The following AFAP1 variants were observed in gnomAD, a reference collection of about 807,000 sequenced individuals.
AFAP1 encodes the protein actin filament-associated protein 1.
AFAP1 carries 75 observed loss-of-function variants against 93.9 expected under a neutral mutation model. That is an observed-to-expected ratio of 0.80 (90% CI 0.66 to 0.97). AFAP1 has a LOEUF of 0.97. Among genes scored for constraint, AFAP1 ranks in the 50% least tolerant of loss-of-function variants. The pLI, the probability that AFAP1 is intolerant of heterozygous loss-of-function variation, is 0.00. For synonymous variants in AFAP1, 517 were observed against 430.7 expected (o/e 1.20, Z -2.48); for missense variants, 1,201 against 1,050.8 (o/e 1.14, Z -1.98).
At chr4:7,889,783 A>G (rs1718349763) in intron 1 of AFAP1, among the ~76,000 whole-genome samples, 1 of 150,940 alleles carries the variant, frequency 6.6e-6, no homozygotes, top group African/African-American at 2.4e-5. Flanking sequence ...AAATATGTTA[A>G]ATATATTAGG....
rs886897127 is a variant in AFAP1, at chr4:7,793,735, T to C, written c.1358A>G (p.Tyr453Cys). 4.4e-6 allele frequency: 7 copies of C among 1,579,536 alleles called. No homozygotes were observed. The highest frequency in any genetic ancestry group is 1.7e-5 in the Admixed American group (1 of 59,640). Residue 453 changes from tyrosine to cysteine, a missense_variant, in exon 11 of 18, where the codon TAC becomes TGC. Physicochemically the swap from Tyr to Cys is radical, Grantham distance 194. Transcript: ENST00000420658. ...ACTTGCAGACATCTCCACATCAATG[T>C]AGTCATAGTGCAGAGCCTCCGGGTC... ...STDPEALHYD[Y>C]IDVEMSASVI... is the part of the protein sequence containing the mutation.
At chr4:7,936,527 A>G (rs1455630599) in intron 1 of AFAP1, among the ~76,000 whole-genome samples, 1 of 150,938 alleles carries the variant, frequency 6.6e-6, no homozygotes, top group African/African-American at 2.5e-5. Context: ...ATTCCTTAGA[A>G]CTATAGCTCC....
chr4:7,922,409 A>C (rs891375208), intron 1 of AFAP1, among the ~76,000 whole-genome samples: 3 of 152,240 alleles, frequency 2.0e-5, no homozygotes, highest in African/African-American at 7.2e-5. Flanking sequence ...AAAGGAAGTG[A>C]GTATTTCAAG....
rs569652685 is a variant in AFAP1 at position 7,872,095 on chromosome 4, G to A, written c.-2-15C>T. The stretch of plus-strand genomic sequence containing the variant: ...CTCTTCCATTGCTGACAACAAAAGA[G>A]GAAGAGTATTATTAGACCCAGTGAT... On this transcript the variant is annotated splice_polypyrimidine_tract_variant and intron_variant, in intron 1 of 17. Coordinates refer to ENST00000420658, the MANE Select transcript of AFAP1 (RefSeq NM_001134647.2). The A allele has an allele frequency of 6.2e-7, 1 of 1,613,606 alleles. No individual in the cohort carries two copies. Among genetic ancestry groups the A allele is most frequent in the South Asian group, 1.1e-5 (1 of 90,956 alleles).
intron 1 of AFAP1, among the ~76,000 whole-genome samples, chr4:7,905,909 G>A (rs56220381): frequency 0.31 from 46,493 of 152,150 alleles, 8,907 homozygotes; most frequent in Non-Finnish European, 0.44. Flanking sequence ...GCTCCATGCC[G>A]GGAAGAGCAC....
chr4:7,880,386 TCTC>T (rs1717772575), intron 1 of AFAP1, among the ~76,000 whole-genome samples: 1 of 150,128 alleles, frequency 6.7e-6, no homozygotes, highest in Non-Finnish European at 1.5e-5. Flanking sequence ...TTCAAGCAAT[TCTC>T]CTGCCTCAGC....
At chr4:7,765,241 G>A (rs1010798739) in intron 17 of AFAP1, among the ~76,000 whole-genome samples, 6 of 152,092 alleles carry the variant, frequency 3.9e-5, no homozygotes, top group African/African-American at 1.4e-4. Flanking sequence ...CTCCCAACAG[G>A]CCACACTCTG....
chr4:7,905,172 A>G (rs924271522), intron 1 of AFAP1, among the ~76,000 whole-genome samples: 15 of 152,260 alleles, frequency 9.9e-5, no homozygotes, highest in East Asian at 3.8e-4. Flanking sequence ...GAGACTAAAC[A>G]GAAGGAAAGA....
intron 3 of AFAP1, among the ~76,000 whole-genome samples, chr4:7,863,975 A>ATTCCCAACTTCCCATCACAACACC (rs1560207721): frequency 0.027 from 483 of 18,184 alleles, 21 homozygotes; most frequent in Middle Eastern, 0.091. Flanking sequence ...ATCACAACCC[A>ATTCCCAACTTCCCATCACAACACC]TTCCCAACTT....
At chr4:7,827,193 G>A (rs1364191071) in intron 6 of AFAP1, among the ~76,000 whole-genome samples, 1 of 152,076 alleles carries the variant, frequency 6.6e-6, no homozygotes, top group Admixed American at 6.5e-5. Flanking sequence ...CTGAGGCACG[G>A]AAGGAGTGAA....
chr4:7,845,769 C>T (rs1196893827), intron 4 of AFAP1, among the ~76,000 whole-genome samples: 1 of 152,182 alleles, frequency 6.6e-6, no homozygotes, highest in Non-Finnish European at 1.5e-5. Context: ...AGGGCAGCCA[C>T]AGGGGGTTAC....
rs1041670774 is a variant in AFAP1 at position 7,804,068 on chromosome 4, A to G, written c.1055-3415T>C. On this transcript the variant is annotated intron_variant, in intron 9 of 17. Coordinates refer to ENST00000420658, the MANE Select transcript of AFAP1 (RefSeq NM_001134647.2). The stretch of plus-strand genomic sequence containing the variant: ...GCAGACAACCTCATCTAAGGAGTCT[A>G]GAGTCAGGGGGTCCTCTGGACCCCC... Among the ~76,000 whole-genome samples the G allele has an allele frequency of 9.8e-5, 15 of 152,344 alleles. No individual in the cohort carries two copies. The South Asian group carries it at 2.9e-3, about 29-fold the overall frequency.
intron 3 of AFAP1, among the ~76,000 whole-genome samples, chr4:7,856,185 A>G (rs73088596): frequency 0.028 from 4,260 of 152,324 alleles, 90 homozygotes; most frequent in South Asian, 0.092. Flanking sequence ...CCACTTTCTA[A>G]AACAAAGTAG....
chr4:7,852,018 T>A lies in AFAP1; in HGVS notation c.334+3448A>T, dbSNP rs182385849. 6.4e-4 allele frequency among the ~76,000 whole-genome samples: 97 copies of A among 152,332 alleles called. 1 individual carries two copies. The highest frequency in any genetic ancestry group is 2.2e-3 in the African/African-American group (93 of 41,582). On this transcript the variant is annotated intron_variant, in intron 4 of 17. Coordinates refer to ENST00000420658, the MANE Select transcript of AFAP1 (RefSeq NM_001134647.2). ...CTGTGCTCAGGAAATTCACTGATCTTGCCACAGACTCCAGCACGCTGAAGT... is the reference window on the plus strand; with the variant it reads ...CTGTGCTCAGGAAATTCACTGATCTAGCCACAGACTCCAGCACGCTGAAGT...
intron 1 of AFAP1, among the ~76,000 whole-genome samples, chr4:7,890,406 G>T (rs1718395106): frequency 6.6e-6 from 1 of 152,128 alleles, no homozygotes; most frequent in Non-Finnish European, 1.5e-5. Context: ...AAACATAAAA[G>T]ATAAAACTAT....
rs769119318 is a variant in AFAP1, at chr4:7,778,803, T to C, written c.1856A>G (p.Lys619Arg). 3 of 1,614,118 alleles carry C rather than the reference T, an allele frequency of 1.9e-6. No individual in the cohort carries two copies. Among genetic ancestry groups the C allele is most frequent in the Non-Finnish European group, 2.5e-6 (3 of 1,180,060 alleles). ...CACAACAGCCGCGGGATCCGCTTTC[T>C]TTGGCTGACTGCTCAGAGTCTTCCC... ...GKGKTLSSQP[K>R]KADPAAVVKR... The change falls in exon 14 of 18, where the codon AAG becomes AGG. Residue 619 changes from lysine to arginine, a missense_variant. Coordinates refer to ENST00000420658, the MANE Select transcript of AFAP1 (RefSeq NM_001134647.2).
chr4:7,874,637 C>T (rs1285544425), intron 1 of AFAP1, among the ~76,000 whole-genome samples: 1 of 148,638 alleles, frequency 6.7e-6, no homozygotes, highest in Non-Finnish European at 1.5e-5. Context: ...CCCACCTCGG[C>T]CTCCCAAAGT....
At position 7,809,708 on chromosome 4, in the gene AFAP1, A is replaced by G; in HGVS notation, c.960T>C (p.Thr320=). 1.9e-6 allele frequency: 3 copies of G among 1,613,196 alleles called. No individual in the cohort carries two copies. The highest frequency in any genetic ancestry group is 2.5e-6 in the Non-Finnish European group (3 of 1,179,554). The part of the protein sequence containing the change: ...SEAKGTVSKV[T]GKKITKIISL... ...TGATGATCTTGGTGATTTTTTTCCC[A>G]GTGACTTTCGACACAGTGCCCTTGG... The change falls in exon 9 of 18, where the codon ACT becomes ACC. Residue 320 remains threonine (T), a synonymous_variant. Coordinates refer to ENST00000420658, the MANE Select transcript of AFAP1 (RefSeq NM_001134647.2).
chr4:7,760,172 G>GCCTCAAACT lies in AFAP1; in HGVS notation c.*3592_*3593insAGTTTGAGG, dbSNP rs1176865769. The GCCTCAAACT allele has an allele frequency of 6.6e-6, 1 of 152,214 alleles. No individual in the cohort carries two copies. The highest frequency in any genetic ancestry group is 2.4e-5 in the African/African-American group (1 of 41,448). The allele number at this position is 152,214 out of a possible 1,614,324, so 9.4% of individuals were successfully genotyped here. A position where few individuals can be genotyped will look rare whatever the true frequency, so the allele number is the denominator to read the frequency against. The stretch of plus-strand genomic sequence containing the variant: ...AACCTCAAACTCCTTCCTGGGGGTG[G>GCCTCAAACT]CCTCCAGAGCTGAGGCCACACTTTT... On this transcript the variant is annotated 3_prime_UTR_variant, in exon 18 of 18. Transcript: ENST00000420658.
Sources: gnomAD v4.1 joint callset for allele counts (sites outside exome capture counted in the v4.1 genomes callset) on GRCh38, gnomAD v4.1.1 for gene constraint, MANE v1.5 for transcripts, NCBI Gene and HGNC (gene_info 2026-07-23, HGNC 2026-07-21) for gene names.